Variants in DYM observed in about 807,000 individuals in gnomAD.
The protein encoded by DYM is dymeclin.
DYM carries 78 observed loss-of-function variants against 93.1 expected under a neutral mutation model. The observed-to-expected ratio is 0.84, with a 90% CI of 0.70 to 1.01. The LOEUF is 1.01. Among genes scored for constraint, DYM ranks in the 50% least tolerant of loss-of-function variants. DYM has a pLI of 0.00. For synonymous variants in DYM, 321 were observed against 319.7 expected, an observed-to-expected ratio of 1.00 and a Z score of -0.04; for missense variants, 789 against 845.0, an observed-to-expected ratio of 0.93 and a Z score of 0.82.
chr18:49,115,834 C>A (rs1192309060), intron 16 of DYM, among the ~76,000 whole-genome samples: 1 of 152,198 alleles, frequency 6.6e-6, no homozygotes, highest in African/African-American at 2.4e-5. Flanking sequence ...TAAAAGGCCA[C>A]ACTTTGCATC....
At chr18:49,439,642 G>C in intron 1 of DYM, among the ~76,000 whole-genome samples, 1 of 152,122 alleles carries the variant, frequency 6.6e-6, no homozygotes, top group East Asian at 1.9e-4. Context: ...ACTAAATTCT[G>C]AGTACAATAT....
chr18:49,372,044 T>C (rs1443487997), intron 5 of DYM, among the ~76,000 whole-genome samples: 2 of 152,240 alleles, frequency 1.3e-5, no homozygotes, highest in African/African-American at 2.4e-5. Context: ...GATGCCTCAG[T>C]TGACTTTGCT....
At chr18:49,335,030 C>A (rs2063560332) in intron 6 of DYM, among the ~76,000 whole-genome samples, 3 of 152,126 alleles carry the variant, frequency 2.0e-5, no homozygotes, top group Non-Finnish European at 4.4e-5. Flanking sequence ...TGGCTTGAAC[C>A]TGGGAGGCGG....
intron 13 of DYM, among the ~76,000 whole-genome samples, chr18:49,221,020 A>G (rs953743453): frequency 6.6e-6 from 1 of 152,262 alleles, no homozygotes; most frequent in Non-Finnish European, 1.5e-5. Context: ...ACAAAGGGCT[A>G]ATATCCGGAA....
chr18:49,424,948 C>T (rs1360692306), intron 2 of DYM, among the ~76,000 whole-genome samples: 5 of 151,974 alleles, frequency 3.3e-5, no homozygotes, highest in East Asian at 1.9e-4. Context: ...GAATCAATAT[C>T]GTGAAAATGG....
At chr18:49,382,531 T>C (rs1212232738) in intron 3 of DYM, among the ~76,000 whole-genome samples, 1 of 152,144 alleles carries the variant, frequency 6.6e-6, no homozygotes. Context: ...TAAAATGCTA[T>C]GTTGAAGCTG....
At chr18:49,114,038 C>T (rs1286229904) in intron 16 of DYM, among the ~76,000 whole-genome samples, 1 of 152,164 alleles carries the variant, frequency 6.6e-6, no homozygotes, top group Non-Finnish European at 1.5e-5. Context: ...CCTTCTCTAG[C>T]CCTGCTCTCC....
chr18:49,395,243 A>G (rs188455292), intron 2 of DYM, among the ~76,000 whole-genome samples: 3 of 152,218 alleles, frequency 2.0e-5, no homozygotes, highest in African/African-American at 7.2e-5. Flanking sequence ...GCATCTGACA[A>G]GGGACTCATC....
chr18:49,065,408 G>A (rs935152277), intron 17 of DYM, among the ~76,000 whole-genome samples: 1 of 152,122 alleles, frequency 6.6e-6, no homozygotes, highest in Non-Finnish European at 1.5e-5. Flanking sequence ...TGTTGCCCAG[G>A]CTGAAGTGCA....
chr18:49,294,428 T>C (rs768024072), intron 8 of DYM, among the ~76,000 whole-genome samples: 1 of 152,174 alleles, frequency 6.6e-6, no homozygotes, highest in Non-Finnish European at 1.5e-5. Context: ...TTTCACAATA[T>C]TGATTCTTTC....
chr18:49,317,594 T>TCC (rs2146498413), intron 8 of DYM, among the ~76,000 whole-genome samples: 1 of 28,042 alleles, frequency 3.6e-5, no homozygotes, highest in Non-Finnish European at 6.2e-5. Context: ...TCTCTCTCTC[T>TCC]CTCCCCCCTC....
intron 15 of DYM, among the ~76,000 whole-genome samples, chr18:49,119,728 T>C (rs1007107369): frequency 1.3e-5 from 2 of 152,124 alleles, no homozygotes; most frequent in Non-Finnish European, 2.9e-5. Flanking sequence ...ACTACTAGAC[T>C]GCGATAAGCT....
At chr18:49,453,728 T>C (rs2082731488) in intron 1 of DYM, among the ~76,000 whole-genome samples, 1 of 152,182 alleles carries the variant, frequency 6.6e-6, no homozygotes, top group Non-Finnish European at 1.5e-5. Context: ...CAGGGATAAT[T>C]ACCAACAAAA....
intron 2 of DYM, among the ~76,000 whole-genome samples, chr18:49,425,891 A>C (rs1375705091): frequency 6.6e-6 from 1 of 151,976 alleles, no homozygotes; most frequent in Admixed American, 6.6e-5. Flanking sequence ...AAAAGTCAGG[A>C]AACAACAGGT....
chr18:49,343,126 GA>G (rs1197449239), intron 6 of DYM, among the ~76,000 whole-genome samples: 1 of 152,080 alleles, frequency 6.6e-6, no homozygotes, highest in Non-Finnish European at 1.5e-5. Flanking sequence ...CAAAGCAAGG[GA>G]AAATTTAAAT....
chr18:49,416,035 C>T (rs186431639), intron 2 of DYM, among the ~76,000 whole-genome samples: 23 of 152,032 alleles, frequency 1.5e-4, no homozygotes, highest in African/African-American at 5.3e-4. Context: ...AAAAGAGGCA[C>T]AGGACTTTCA....
At chr18:49,430,987 C>T (rs1244727313) in intron 1 of DYM, among the ~76,000 whole-genome samples, 1 of 152,076 alleles carries the variant, frequency 6.6e-6, no homozygotes, top group Admixed American at 6.5e-5. Context: ...TTAGGATGGG[C>T]ATAGCTCTAC....
At chr18:49,254,325 T>TATATATATATATATATATAC (rs1279388698) in intron 13 of DYM, among the ~76,000 whole-genome samples, 6 of 138,644 alleles carry the variant, frequency 4.3e-5, no homozygotes, top group African/African-American at 8.3e-5. Context: ...TATATATATA[T>TATATATATATATATATATAC]ACACACATAG....
intron 14 of DYM, among the ~76,000 whole-genome samples, chr18:49,192,831 G>A (rs1943002): frequency 1 from 151,558 of 152,248 alleles, 75,444 homozygotes; most frequent in Middle Eastern, 1. Flanking sequence ...GAATTTTTAT[G>A]GAGATTGCAT....
Sources: allele counts gnomAD v4.1 joint callset (sites outside exome capture counted in the v4.1 genomes callset), GRCh38; gene constraint gnomAD v4.1.1; transcripts MANE v1.5; gene names NCBI Gene and HGNC (gene_info 2026-07-23, HGNC 2026-07-21).